MSH3: variants seen among roughly 807,000 people sequenced by gnomAD.
MSH3 encodes DNA mismatch repair protein Msh3.
A neutral mutation model predicts 123.3 loss-of-function variants in MSH3; 106 were observed. The observed-to-expected ratio is 0.86, with a 90% CI of 0.73 to 1.01. The LOEUF (loss-of-function observed/expected upper bound fraction) is 1.01. Among genes scored for constraint, MSH3 ranks in the 50% least tolerant of loss-of-function variants. The pLI, the probability that MSH3 is intolerant of heterozygous loss-of-function variation, is 0.00. For missense variants in MSH3, 1,459 were observed against 1,347.6 expected (o/e 1.08, Z -1.29); for synonymous variants, 515 against 481.4 (o/e 1.07, Z -0.91).
intron 8 of MSH3, among the ~76,000 whole-genome samples, chr5:80,699,644 T>C (rs1197877470): frequency 6.6e-6 from 1 of 152,088 alleles, no homozygotes; most frequent in African/African-American, 2.4e-5. Context: ...CTATTTACAT[T>C]ATATAGATTT....
At chr5:80,702,272 T>C (rs929273920) in intron 8 of MSH3, among the ~76,000 whole-genome samples, 35 of 152,202 alleles carry the variant, frequency 2.3e-4, no homozygotes, top group Non-Finnish European at 1.3e-4. Flanking sequence ...CTGGCTGAGC[T>C]GGGCTCTGCA....
intron 10 of MSH3, among the ~76,000 whole-genome samples, chr5:80,740,703 A>G (rs1314166710): frequency 7.0e-6 from 1 of 143,402 alleles, no homozygotes; most frequent in Non-Finnish European, 1.5e-5. Context: ...CTTGTTGCAT[A>G]TGTTAGAATC....
intron 9 of MSH3, 51 bp from the exon 10 acceptor site, chr5:80,728,800 T>C (rs6151734): frequency 6.1e-6 from 6 of 979,200 alleles, no homozygotes; most frequent in African/African-American, 3.3e-5. Context: ...TTTTTTAATT[T>C]GATTAATTTA....
intron 8 of MSH3, among the ~76,000 whole-genome samples, chr5:80,693,888 G>T (rs879735970): frequency 1.3e-5 from 2 of 152,096 alleles, no homozygotes; most frequent in Non-Finnish European, 2.9e-5. Flanking sequence ...TCGAACTCCT[G>T]ACCTCAAATG....
intron 22 of MSH3, among the ~76,000 whole-genome samples, chr5:80,872,554 C>G (rs760784610): frequency 7.2e-5 from 11 of 152,108 alleles, no homozygotes; most frequent in Non-Finnish European, 1.6e-4. Context: ...GCCTGTAATC[C>G]CAACACTTTG....
At chr5:80,810,194 T>A (rs1554074258) in intron 19 of MSH3, among the ~76,000 whole-genome samples, 3 of 146,858 alleles carry the variant, frequency 2.0e-5, no homozygotes, top group Non-Finnish European at 4.5e-5. Flanking sequence ...TATATATATA[T>A]AAACTAGTAG....
chr5:80,708,608 G>C (rs1444596772), intron 8 of MSH3, among the ~76,000 whole-genome samples: 1 of 151,964 alleles, frequency 6.6e-6, no homozygotes, highest in Non-Finnish European at 1.5e-5. Context: ...TTCTTGTGGA[G>C]ATGGAGTCTC....
intron 8 of MSH3, among the ~76,000 whole-genome samples, chr5:80,699,743 TA>T (rs917299356): frequency 6.6e-6 from 1 of 152,144 alleles, no homozygotes; most frequent in Non-Finnish European, 1.5e-5. Flanking sequence ...TTTATTTCTT[TA>T]AAAAATTTTT....
chr5:80,783,159 C>G (rs1406990366), intron 17 of MSH3, among the ~76,000 whole-genome samples: 1 of 152,220 alleles, frequency 6.6e-6, no homozygotes. Context: ...CATCATAACA[C>G]TATAACAGCT....
At position 80,873,217 on chromosome 5, in the gene MSH3, G is replaced by A. The variant is rs1240927970; in HGVS notation, c.3232G>A (p.Val1078Ile). 6.2e-6 allele frequency: 10 copies of A among 1,613,880 alleles called. No individual in the cohort carries two copies. The highest frequency in any genetic ancestry group is 8.5e-6 in the Non-Finnish European group (10 of 1,179,940). Residue 1078 changes from valine (V) to isoleucine (I), a missense_variant, in exon 23 of 24, where the codon GTT becomes ATT. By Grantham distance (29) the Val-to-Ile change is conservative. Coordinates refer to ENST00000265081, the MANE Select transcript of MSH3 (RefSeq NM_002439.5). ...YGLNVAKLAD[V>I]PGEILKKAAH... Reference sequence around the variant, plus strand: ...ATTAAATGTGGCTAAACTAGCAGATGTTCCTGGAGAAATTTTGAAGAAAGC... The same window carrying A: ...ATTAAATGTGGCTAAACTAGCAGATATTCCTGGAGAAATTTTGAAGAAAGC...
Position 80,762,790 on chromosome 5 carries a change from TTTATGTTATGTTATG to T in MSH3, c.1896+1142_1896+1156del, listed in dbSNP as rs747226793. Among the ~76,000 whole-genome samples, 88 of 132,996 alleles carry T rather than the reference TTTATGTTATGTTATG, an allele frequency of 6.6e-4. 1 individual carries two copies. Among genetic ancestry groups the T allele is most frequent in the African/African-American group, 2.2e-3 (83 of 37,140 alleles). 87.3% of individuals were successfully genotyped at this position (132,996 alleles called of 152,430 possible). A position where few individuals can be genotyped will look rare whatever the true frequency, so the allele number is the denominator to read the frequency against. ...ATTTTATTTTAATTTTTTATTTTAT[TTTATGTTATGTTATG>T]TTATGTTATGTTATGTTATGTTATG... On this transcript the variant is annotated intron_variant, in intron 13 of 23. Transcript: ENST00000265081.
intron 20 of MSH3, among the ~76,000 whole-genome samples, chr5:80,823,872 C>G (rs1006300873): frequency 6.6e-6 from 1 of 152,112 alleles, no homozygotes; most frequent in African/African-American, 2.4e-5. Context: ...TCCCTGGGTA[C>G]TTGAGATTAG....
chr5:80,716,173 A>G (rs1183356177), intron 8 of MSH3, among the ~76,000 whole-genome samples: 1 of 152,180 alleles, frequency 6.6e-6, no homozygotes, highest in African/African-American at 2.4e-5. Flanking sequence ...AAAGCATTAT[A>G]TAGACTCTAT....
At chr5:80,833,502 G>A (rs1404061235) in intron 20 of MSH3, among the ~76,000 whole-genome samples, 1 of 152,098 alleles carries the variant, frequency 6.6e-6, no homozygotes, top group Non-Finnish European at 1.5e-5. Context: ...GAGTGCAGTG[G>A]CACCATCTCG....
chr5:80,815,615 G>A (rs1361126166), intron 20 of MSH3, among the ~76,000 whole-genome samples: 4 of 152,086 alleles, frequency 2.6e-5, no homozygotes, highest in South Asian at 2.1e-4. Flanking sequence ...GCAGCTCCAG[G>A]CATCACATTC....
At chr5:80,794,716 T>C (rs1441756022) in intron 19 of MSH3, among the ~76,000 whole-genome samples, 9 of 152,166 alleles carry the variant, frequency 5.9e-5, no homozygotes, top group Non-Finnish European at 1.2e-4. Flanking sequence ...AAGTTGTCCA[T>C]GTGAATGTTG....
At chr5:80,820,777 G>A (rs919857731) in intron 20 of MSH3, among the ~76,000 whole-genome samples, 2 of 152,190 alleles carry the variant, frequency 1.3e-5, no homozygotes, top group Non-Finnish European at 2.9e-5. Context: ...TATGTGGCAG[G>A]ATAAATTATT....
chr5:80,864,851 A>G lies in MSH3; in HGVS notation c.3039A>G (p.Pro1013=), dbSNP rs963552131. ...SLTLFVTHYP[P]VCELEKNYSH... Reference sequence around the variant, plus strand: ...CCCTGTTTGTCACCCATTATCCGCCAGTTTGTGAACTAGAAAAAAATTACT... The same window carrying G: ...CCCTGTTTGTCACCCATTATCCGCCGGTTTGTGAACTAGAAAAAAATTACT... Residue 1013 remains proline, a synonymous_variant, in exon 22 of 24, where the codon CCA becomes CCG. Transcript: ENST00000265081. 12 of 1,613,136 alleles carry G rather than the reference A, an allele frequency of 7.4e-6. No homozygotes were observed. In the Admixed American group the frequency reaches 1.0e-4, roughly 13 times the overall value.
rs1743271448 is a variant in MSH3, at chr5:80,725,509, G to A, written c.1397G>A (p.Ser466Asn). The A allele has an allele frequency of 6.2e-7, 1 of 1,613,986 alleles. No individual in the cohort carries two copies. Among genetic ancestry groups the A allele is most frequent in the Admixed American group, 1.7e-5 (1 of 60,020 alleles). ...ERMDNIYFEYSHAFQAVTEFY... is the reference protein window; with the variant it reads ...ERMDNIYFEYNHAFQAVTEFY... Reference sequence around the variant, plus strand: ...ATGGATAACATTTATTTTGAATACAGCCATGCTTTCCAGGCAGTTACAGAG... The same window carrying A: ...ATGGATAACATTTATTTTGAATACAACCATGCTTTCCAGGCAGTTACAGAG... Residue 466 changes from serine (S) to asparagine (N), a missense_variant, in exon 9 of 24, where the codon AGC becomes AAC. Transcript: ENST00000265081.
Sources: allele counts gnomAD v4.1 joint callset (sites outside exome capture counted in the v4.1 genomes callset), GRCh38; gene constraint gnomAD v4.1.1; transcripts MANE v1.5; gene names NCBI Gene and HGNC (gene_info 2026-07-23, HGNC 2026-07-21).